The following PIK3CA variants were observed in gnomAD, a reference collection of about 807,000 sequenced individuals.
PIK3CA encodes the protein phosphatidylinositol-4,5-bisphosphate 3-kinase catalytic subunit alpha.
PIK3CA carries 27 observed loss-of-function variants against 138.2 expected under a neutral mutation model. That is an observed-to-expected ratio of 0.20 (90% CI 0.14 to 0.27). PIK3CA has a LOEUF of 0.27. Ranked by LOEUF, PIK3CA falls within the 10% of genes least tolerant of loss-of-function variation. The pLI, the probability that PIK3CA is intolerant of heterozygous loss-of-function variation, is 1.00. For synonymous variants in PIK3CA, 358 were observed against 413.2 expected (o/e 0.87, Z 1.62); for missense variants, 544 against 1,277.4 (o/e 0.43, Z 8.75).
At chr3:179,231,997 G>T (rs769201030) in intron 20 of PIK3CA, among the ~76,000 whole-genome samples, 46 of 152,028 alleles carry the variant, frequency 3.0e-4, no homozygotes, top group Non-Finnish European at 4.6e-4. Context: ...GTTCCTTATA[G>T]ATTCTGGATA....
At chr3:179,187,722 C>T (rs1403450360) in intron 1 of PIK3CA, among the ~76,000 whole-genome samples, 1 of 151,498 alleles carries the variant, frequency 6.6e-6, no homozygotes, top group African/African-American at 2.4e-5. Flanking sequence ...ACTGCAACCT[C>T]CACCTCCCGG....
In PIK3CA at chr3:179,230,130, T is replaced by C. The variant is rs1725178004; in HGVS notation, c.2784+9T>C. The C allele has an allele frequency of 6.3e-7, 1 of 1,596,108 alleles. No homozygotes were observed. Among genetic ancestry groups the C allele is most frequent in the South Asian group, 1.1e-5 (1 of 90,564 alleles). On this transcript the variant is annotated intron_variant, in intron 19 of 20. Coordinates refer to ENST00000263967, the MANE Select transcript of PIK3CA (RefSeq NM_006218.4). This position sits in a 1 kb window ranked among gnomAD's most constrained non-coding sequence, Gnocchi z 5.4. Reference sequence around the variant, plus strand: ...TGAAAGACGATGGACAAGTAATGGTTTTCTCTGTTTAAAATGTTTTGGTGT... The same window carrying C: ...TGAAAGACGATGGACAAGTAATGGTCTTCTCTGTTTAAAATGTTTTGGTGT...
At chr3:179,185,636 T>C (rs1157374735) in intron 1 of PIK3CA, among the ~76,000 whole-genome samples, 1 of 152,250 alleles carries the variant, frequency 6.6e-6, no homozygotes, top group African/African-American at 2.4e-5. Flanking sequence ...GTTTTACTTG[T>C]GCTTCTGACT....
Position 179,222,955 on chromosome 3 carries a change from A to G in PIK3CA, c.2188-1126A>G, listed in dbSNP as rs957874645. ...GGAGTTTTTATATCACAAATTGGCTATGATACAGTGGATTAATTAGGAACA... is the reference window on the plus strand; with the variant it reads ...GGAGTTTTTATATCACAAATTGGCTGTGATACAGTGGATTAATTAGGAACA... On this transcript the variant is annotated intron_variant, in intron 14 of 20. Coordinates refer to ENST00000263967, the MANE Select transcript of PIK3CA (RefSeq NM_006218.4). Among the ~76,000 whole-genome samples the G allele has an allele frequency of 3.3e-5, 5 of 152,206 alleles. 1 individual carries two copies. The highest frequency in any genetic ancestry group is 3.3e-4 in the Admixed American group (5 of 15,274).
intron 1 of PIK3CA, among the ~76,000 whole-genome samples, chr3:179,192,430 C>A (rs144309382): frequency 7.9e-5 from 12 of 152,342 alleles, no homozygotes; most frequent in South Asian, 2.1e-4. Context: ...CCACTTAAAT[C>A]ACTTCTGAGA....
At chr3:179,209,754 A>G in intron 7 of PIK3CA, 54 bp downstream of exon 7, 2 of 938,196 alleles carry the variant, frequency 2.1e-6, no homozygotes, top group East Asian at 2.6e-5. Context: ...TCCTGATTAT[A>G]CCGCTGATTG....
At chr3:179,174,696 C>T (rs1012167848) in intron 1 of PIK3CA, among the ~76,000 whole-genome samples, 1 of 152,218 alleles carries the variant, frequency 6.6e-6, no homozygotes, top group Non-Finnish European at 1.5e-5. Context: ...ATGCTCATAT[C>T]TTCCTTTGCC....
intron 1 of PIK3CA, among the ~76,000 whole-genome samples, chr3:179,164,043 C>T (rs1175548438): frequency 2.0e-5 from 3 of 151,978 alleles, no homozygotes; most frequent in Non-Finnish European, 2.9e-5. Flanking sequence ...TAACATCTCC[C>T]GTGGAAATAG....
chr3:179,232,322 T>A (rs941685670), intron 20 of PIK3CA, among the ~76,000 whole-genome samples: 1 of 152,164 alleles, frequency 6.6e-6, no homozygotes, highest in Non-Finnish European at 1.5e-5. Flanking sequence ...TTCATTCTTT[T>A]ACATGTGGCT....
At chr3:179,188,459 A>AT (rs1055711149) in intron 1 of PIK3CA, among the ~76,000 whole-genome samples, 19 of 152,132 alleles carry the variant, frequency 1.2e-4, no homozygotes, top group African/African-American at 4.1e-4. Flanking sequence ...ATGTTAGTAT[A>AT]TTTTTTTCCA....
At chr3:179,170,256 T>C (rs868271837) in intron 1 of PIK3CA, among the ~76,000 whole-genome samples, 1 of 152,228 alleles carries the variant, frequency 6.6e-6, no homozygotes, top group Non-Finnish European at 1.5e-5. Context: ...TTTTTTGCCT[T>C]GCTTTTGTAA....
At chr3:179,187,461 C>T (rs1724013397) in intron 1 of PIK3CA, among the ~76,000 whole-genome samples, 1 of 146,822 alleles carries the variant, frequency 6.8e-6, no homozygotes, top group African/African-American at 2.5e-5. Context: ...TTGCTTGAAC[C>T]CGGGAGGTGG....
At chr3:179,173,456 G>T (rs1275166452) in intron 1 of PIK3CA, among the ~76,000 whole-genome samples, 4 of 149,330 alleles carry the variant, frequency 2.7e-5, no homozygotes, top group Non-Finnish European at 5.9e-5. Flanking sequence ...GCGGGCGCCT[G>T]TAGTCCCAGC....
chr3:179,208,300 T>C (rs907123316), intron 6 of PIK3CA, among the ~76,000 whole-genome samples: 18 of 152,224 alleles, frequency 1.2e-4, no homozygotes, highest in Non-Finnish European at 2.6e-4. Context: ...AGAATTATTT[T>C]ATTTATAATC....
intron 3 of PIK3CA, among the ~76,000 whole-genome samples, chr3:179,200,725 C>G (rs780590624): frequency 3.3e-5 from 5 of 152,158 alleles, no homozygotes; most frequent in Non-Finnish European, 5.9e-5. Flanking sequence ...CCAAACCTCT[C>G]TAAATAGTTT....
At chr3:179,203,160 T>A (rs1166957517) in intron 4 of PIK3CA, among the ~76,000 whole-genome samples, 1 of 151,946 alleles carries the variant, frequency 6.6e-6, no homozygotes, top group Non-Finnish European at 1.5e-5. Flanking sequence ...CAGGATGGTC[T>A]CGATCTCCTG....
intron 1 of PIK3CA, among the ~76,000 whole-genome samples, chr3:179,188,007 T>C (rs1724036645): frequency 1.3e-5 from 2 of 152,208 alleles, no homozygotes; most frequent in African/African-American, 4.8e-5. Context: ...ATAAGGAAAC[T>C]GCCTTCAAAT....
intron 9 of PIK3CA, among the ~76,000 whole-genome samples, chr3:179,213,539 A>G (rs1210697685): frequency 6.6e-6 from 1 of 152,218 alleles, no homozygotes; most frequent in Non-Finnish European, 1.5e-5. Context: ...TGGCTACAGC[A>G]GTTTCTTTAA....
At chr3:179,229,961 C>G (rs2108423822) in intron 18 of PIK3CA, 43 bp from the exon 19 acceptor site, 1 of 1,283,856 alleles carries the variant, frequency 7.8e-7, no homozygotes, top group Non-Finnish European at 1.1e-6. Flanking sequence ...TGGCCTGAAT[C>G]ACTATATTTC....
Sources: allele counts gnomAD v4.1 joint callset (sites outside exome capture counted in the v4.1 genomes callset), GRCh38; gene constraint gnomAD v4.1.1; non-coding constraint Gnocchi (gnomAD v3.1); transcripts MANE v1.5; gene names NCBI Gene and HGNC (gene_info 2026-07-23, HGNC 2026-07-21).